PPFIA4: variants seen among roughly 807,000 people sequenced by gnomAD.
PPFIA4 encodes liprin-alpha-4.
In PPFIA4, 98 loss-of-function variants were observed where a neutral mutation model predicts 145.7. The ratio of observed to expected loss-of-function variants is 0.67; its 90% CI spans 0.57 to 0.80. The LOEUF (loss-of-function observed/expected upper bound fraction) is 0.80. Ranked by LOEUF, PPFIA4 falls within the 30% of genes least tolerant of loss-of-function variation. PPFIA4 has a pLI of 0.00. For missense variants in PPFIA4, 1,457 were observed against 1,632.7 expected (o/e 0.89, Z 1.85); for synonymous variants, 628 against 649.6 (o/e 0.97, Z 0.51).
intron 1 of PPFIA4, among the ~76,000 whole-genome samples, chr1:203,027,526 T>G (rs1049009338): frequency 6.6e-6 from 1 of 152,114 alleles, no homozygotes; most frequent in Non-Finnish European, 1.5e-5. Flanking sequence ...CCGTTCTGTG[T>G]GGAGAGCAAG....
In PPFIA4 at chr1:203,060,499, G is replaced by A; in HGVS notation, c.2784+82G>A. 6.9e-7 allele frequency: 1 copy of A among 1,448,374 alleles called. No individual in the cohort carries two copies. Among genetic ancestry groups the A allele is most frequent in the Non-Finnish European group, 9.5e-7 (1 of 1,048,558 alleles). 89.7% of individuals were successfully genotyped at this position (1,448,374 alleles called of 1,614,324 possible). A position where few individuals can be genotyped will look rare whatever the true frequency, so the allele number is the denominator to read the frequency against. ...AAGGTCTCCTGTTGGGCTTTGGGAAGATGGCAGCATTGAGCCCTGCCCCTT... is the reference window on the plus strand; with the variant it reads ...AAGGTCTCCTGTTGGGCTTTGGGAAAATGGCAGCATTGAGCCCTGCCCCTT... On this transcript the variant is annotated intron_variant, in intron 22 of 29. Coordinates refer to ENST00000295706, the MANE Select transcript of PPFIA4 (RefSeq NM_001304331.2). The surrounding 1 kb of genome is among the most constrained non-coding windows in gnomAD (Gnocchi z 4.8).
chr1:203,060,188 A>G lies in PPFIA4; in HGVS notation c.2584-29A>G, dbSNP rs1227979404. 6.2e-7 allele frequency: 1 copy of G among 1,610,198 alleles called. No homozygotes were observed. The highest frequency in any genetic ancestry group is 8.5e-7 in the Non-Finnish European group (1 of 1,178,252). On this transcript the variant is annotated intron_variant, in intron 21 of 29. Transcript: ENST00000295706. The surrounding 1 kb of genome is among the most constrained non-coding windows in gnomAD (Gnocchi z 4.8). ...TCTTGGTGGTAGGGCCCAGGCCTTG[A>G]ATTACCTCCCTGTGCCCGGTGTCTG...
At chr1:203,061,264 C>A in intron 23 of PPFIA4, 1 of 581,054 alleles carries the variant, frequency 1.7e-6, no homozygotes, top group Non-Finnish European at 3.1e-6. Flanking sequence ...ACAAGCTTGC[C>A]CTGGGCCACT....
chr1:203,069,962 C>T (rs1662029091), intron 27 of PPFIA4, among the ~76,000 whole-genome samples: 1 of 152,098 alleles, frequency 6.6e-6, no homozygotes, highest in African/African-American at 2.4e-5. Context: ...TTTCACTGCC[C>T]AGAGGAGCAG....
Position 203,060,866 on chromosome 1 carries a change from A to T in PPFIA4, c.2785-104A>T. 1 of 993,800 alleles carries T rather than the reference A, an allele frequency of 1.0e-6. No homozygotes were observed. The highest frequency in any genetic ancestry group is 1.6e-6 in the Non-Finnish European group (1 of 633,312). 61.6% of individuals were successfully genotyped at this position (993,800 alleles called of 1,614,324 possible). A position where few individuals can be genotyped will look rare whatever the true frequency, so the allele number is the denominator to read the frequency against. On this transcript the variant is annotated intron_variant, in intron 22 of 29. Coordinates refer to ENST00000295706, the MANE Select transcript of PPFIA4 (RefSeq NM_001304331.2). The surrounding 1 kb of genome is among the most constrained non-coding windows in gnomAD (Gnocchi z 4.8). ...TGATTGAGACCAGCCCCCATTTCAG[A>T]GGACTCAGGGAGGGAGCTTTGTCCT...
chr1:203,057,404 T>C (rs545883301), intron 19 of PPFIA4, among the ~76,000 whole-genome samples: 1 of 152,352 alleles, frequency 6.6e-6, no homozygotes, highest in Non-Finnish European at 1.5e-5. Context: ...ATTATAGCTT[T>C]GTAGACATTA....
rs757135668 is a variant in PPFIA4 at position 203,060,933 on chromosome 1, A to G, written c.2785-37A>G. ...AGCCTGATGGGGATCCTGGGGACCC[A>G]CACCCAGGACCAGCTAGGTTTCCTC... On this transcript the variant is annotated intron_variant, in intron 22 of 29. Transcript: ENST00000295706. This position sits in a 1 kb window ranked among gnomAD's most constrained non-coding sequence, Gnocchi z 4.8. 6.2e-7 allele frequency: 1 copy of G among 1,602,428 alleles called. No individual in the cohort carries two copies. The highest frequency in any genetic ancestry group is 8.5e-7 in the Non-Finnish European group (1 of 1,169,662).
intron 27 of PPFIA4, among the ~76,000 whole-genome samples, chr1:203,071,005 G>A (rs1368667044): frequency 6.6e-6 from 1 of 150,724 alleles, no homozygotes; most frequent in African/African-American, 2.4e-5. Flanking sequence ...CCGATCTGGA[G>A]TGCAGGTGTG....
intron 1 of PPFIA4, chr1:203,037,150 T>C: frequency 2.8e-6 from 1 of 352,962 alleles, no homozygotes; most frequent in Non-Finnish European, 5.9e-6. Context: ...AGTCTCCCTC[T>C]TCCTTTCCCC....
intron 1 of PPFIA4, 150 bp from the exon 2 acceptor site, chr1:203,038,460 C>T (rs939661693): frequency 6.6e-6 from 1 of 152,666 alleles, no homozygotes; most frequent in African/African-American, 2.4e-5. Flanking sequence ...GAGGTGCCAT[C>T]AGAGTGAGTA....
At chr1:203,057,728 C>T (rs1418368369) in intron 19 of PPFIA4, among the ~76,000 whole-genome samples, 1 of 152,172 alleles carries the variant, frequency 6.6e-6, no homozygotes, top group Non-Finnish European at 1.5e-5. Context: ...TCCAGAACAA[C>T]CTATTGATAG....
chr1:203,028,640 G>A (rs1410838016), intron 1 of PPFIA4, among the ~76,000 whole-genome samples: 1 of 151,504 alleles, frequency 6.6e-6, no homozygotes, highest in Admixed American at 6.6e-5. Flanking sequence ...AGTGGTATGG[G>A]GTGTGTGTGT....
chr1:203,074,942 G>A (rs540016965), intron 28 of PPFIA4, among the ~76,000 whole-genome samples: 1 of 152,244 alleles, frequency 6.6e-6, no homozygotes, highest in Admixed American at 6.5e-5. Flanking sequence ...CTGTTACAGG[G>A]TGATCTCATC....
At chr1:203,027,309 C>T (rs1658477104) in intron 1 of PPFIA4, among the ~76,000 whole-genome samples, 1 of 152,164 alleles carries the variant, frequency 6.6e-6, no homozygotes, top group Admixed American at 6.5e-5. Flanking sequence ...CTTACGTCCA[C>T]GCAGTAGGGA....
chr1:203,075,853 C>G lies in PPFIA4; in HGVS notation c.3574+96C>G. ...CGGGCCGGGTGGAGAGGGGCGAGGC[C>G]GAGGCTGGTGCCCCGCGCTCCTGCG... On this transcript the variant is annotated intron_variant, in intron 29 of 29. Transcript: ENST00000295706. The surrounding 1 kb of genome is among the most constrained non-coding windows in gnomAD (Gnocchi z 4.1). 8.2e-7 allele frequency: 1 copy of G among 1,218,964 alleles called. No homozygotes were observed. Among genetic ancestry groups the G allele is most frequent in the Non-Finnish European group, 1.1e-6 (1 of 937,742 alleles). 75.5% of individuals were successfully genotyped at this position (1,218,964 alleles called of 1,614,324 possible).
At position 203,026,568 on chromosome 1, in the gene PPFIA4, G is replaced by T. The variant is rs1012942109; in HGVS notation, c.-461G>T. On this transcript the variant is annotated 5_prime_UTR_variant, in exon 1 of 30. Transcript: ENST00000295706. ...CTCTAGGACGTGTCGGGCTGCACGG[G>T]TCGGGGGCGGCTCCCTGCTGCTTCC... is the stretch of plus-strand genomic sequence containing the variant. The T allele has an allele frequency of 2.0e-5, 3 of 152,300 alleles. No individual in the cohort carries two copies. Among genetic ancestry groups the T allele is most frequent in the African/African-American group, 7.2e-5 (3 of 41,474 alleles). The allele number at this position is 152,300 out of a possible 1,614,324, so 9.4% of individuals were successfully genotyped here.
intron 27 of PPFIA4, among the ~76,000 whole-genome samples, chr1:203,069,183 C>T (rs910668390): frequency 6.6e-6 from 1 of 152,232 alleles, no homozygotes; most frequent in South Asian, 2.1e-4. Context: ...CATGAAATTA[C>T]ATTTCATCAT....
At chr1:203,061,057 C>G in intron 23 of PPFIA4, 25 bp downstream of exon 23, 3 of 1,611,460 alleles carry the variant, frequency 1.9e-6, no homozygotes, top group Non-Finnish European at 1.7e-6. Context: ...TGGCCTTTGT[C>G]CCTGGGCCTG....
chr1:203,031,790 AG>A (rs1205291985), intron 1 of PPFIA4, among the ~76,000 whole-genome samples: 34 of 152,210 alleles, frequency 2.2e-4, no homozygotes, highest in Non-Finnish European at 3.5e-4. Flanking sequence ...ACATTATTTG[AG>A]GACATTTGTG....
Sources: gnomAD v4.1 joint callset for allele counts (sites outside exome capture counted in the v4.1 genomes callset) on GRCh38, gnomAD v4.1.1 for gene constraint, Gnocchi (gnomAD v3.1) non-coding constraint, MANE v1.5 for transcripts, NCBI Gene and HGNC (gene_info 2026-07-23, HGNC 2026-07-21) for gene names.